GALNTL6: variants seen among roughly 807,000 people sequenced by gnomAD.
GALNTL6 encodes polypeptide N-acetylgalactosaminyltransferase-like 6.
Under a neutral mutation model 73.7 loss-of-function variants are expected in GALNTL6, and 46 were observed. The observed-to-expected ratio is 0.62, with a 90% CI of 0.49 to 0.80. The LOEUF (loss-of-function observed/expected upper bound fraction) is 0.80. Among genes scored for constraint, GALNTL6 ranks in the 30% least tolerant of loss-of-function variants. The pLI is 0.00. For synonymous variants in GALNTL6, 259 were observed against 263.7 expected, an observed-to-expected ratio of 0.98 and a Z score of 0.17; for missense variants, 604 against 755.0, an observed-to-expected ratio of 0.80 and a Z score of 2.34.
intron 5 of GALNTL6, among the ~76,000 whole-genome samples, chr4:172,645,941 G>C (rs1740223566): frequency 6.6e-6 from 1 of 151,878 alleles, no homozygotes; most frequent in Non-Finnish European, 1.5e-5. Flanking sequence ...TCAGGATATA[G>C]GGAGAACACC....
At chr4:172,206,984 G>GT (rs992095986) in intron 2 of GALNTL6, among the ~76,000 whole-genome samples, 76 of 151,162 alleles carry the variant, frequency 5.0e-4, no homozygotes, top group Middle Eastern at 3.4e-3. Flanking sequence ...CGCCCGGCTA[G>GT]TTTTTTGTAT....
intron 2 of GALNTL6, among the ~76,000 whole-genome samples, chr4:171,978,351 T>A (rs924990558): frequency 2.0e-4 from 30 of 152,150 alleles, no homozygotes; most frequent in African/African-American, 6.8e-4. Flanking sequence ...TGGGTGAGAC[T>A]TTTGTGGCTC....
At chr4:172,946,991 C>CTT (rs1561049448) in intron 9 of GALNTL6, among the ~76,000 whole-genome samples, 1 of 151,906 alleles carries the variant, frequency 6.6e-6, no homozygotes, top group East Asian at 1.9e-4. Context: ...ACAAAAGAGA[C>CTT]GTAAGAGAGA....
chr4:172,797,491 C>T (rs1368296487), intron 5 of GALNTL6, among the ~76,000 whole-genome samples: 1 of 151,982 alleles, frequency 6.6e-6, no homozygotes, highest in East Asian at 1.9e-4. Flanking sequence ...GCCATCCGCC[C>T]GCCTCAGCCT....
At chr4:172,194,767 G>T (rs572690251) in intron 2 of GALNTL6, among the ~76,000 whole-genome samples, 1 of 152,244 alleles carries the variant, frequency 6.6e-6, no homozygotes, top group South Asian at 2.1e-4. Context: ...GTCACTGCCA[G>T]GCCTGCCTTT....
chr4:172,512,442 T>C (rs998636417), intron 5 of GALNTL6, among the ~76,000 whole-genome samples: 1 of 152,160 alleles, frequency 6.6e-6, no homozygotes, highest in African/African-American at 2.4e-5. Flanking sequence ...TACATTCAGC[T>C]GTAGTATTGA....
chr4:172,270,919 AG>A (rs1156986988), intron 3 of GALNTL6, among the ~76,000 whole-genome samples: 4 of 152,214 alleles, frequency 2.6e-5, no homozygotes, highest in Admixed American at 2.6e-4. Context: ...GTATATTCAA[AG>A]AATTGTTTGC....
At chr4:172,533,316 A>ATT (rs34973148) in intron 5 of GALNTL6, among the ~76,000 whole-genome samples, 27,297 of 77,282 alleles carry the variant, frequency 0.35, 10,155 homozygotes, top group East Asian at 0.48. Context: ...CCCGGCCAGA[A>ATT]TTTTTTTTTT....
intron 5 of GALNTL6, among the ~76,000 whole-genome samples, chr4:172,443,380 G>C (rs1354000929): frequency 6.6e-6 from 1 of 151,336 alleles, no homozygotes; most frequent in African/African-American, 2.4e-5. Context: ...TGGCCAGGCT[G>C]GTCTTGATCT....
intron 2 of GALNTL6, among the ~76,000 whole-genome samples, chr4:171,827,647 A>C (rs994277869): frequency 2.0e-5 from 3 of 152,174 alleles, no homozygotes; most frequent in African/African-American, 7.2e-5. Flanking sequence ...TCTGAAATTA[A>C]ATTCCTTTCA....
intron 2 of GALNTL6, among the ~76,000 whole-genome samples, chr4:171,988,364 T>C (rs1370598576): frequency 6.6e-6 from 1 of 152,206 alleles, no homozygotes; most frequent in Non-Finnish European, 1.5e-5. Flanking sequence ...AAATTTGGGC[T>C]TGACTGAAGT....
intron 2 of GALNTL6, among the ~76,000 whole-genome samples, chr4:171,923,474 T>G (rs1737860213): frequency 6.7e-6 from 1 of 148,360 alleles, no homozygotes; most frequent in South Asian, 2.1e-4. Context: ...CTCGGCTCAC[T>G]GCAAGCTCAG....
At chr4:172,540,269 T>C (rs1183729979) in intron 5 of GALNTL6, among the ~76,000 whole-genome samples, 2 of 151,936 alleles carry the variant, frequency 1.3e-5, no homozygotes, top group African/African-American at 4.8e-5. Flanking sequence ...CTCGATCTCC[T>C]GACCTCATTA....
At chr4:172,183,905 G>A (rs917376205) in intron 2 of GALNTL6, among the ~76,000 whole-genome samples, 5 of 149,462 alleles carry the variant, frequency 3.3e-5, no homozygotes, top group Non-Finnish European at 7.4e-5. Context: ...TGATTCTCCT[G>A]CCTCAGCCTC....
intron 10 of GALNTL6, among the ~76,000 whole-genome samples, chr4:172,988,410 C>G (rs1751391227): frequency 6.6e-6 from 1 of 152,194 alleles, no homozygotes; most frequent in Admixed American, 6.5e-5. Flanking sequence ...CTGCTTCTAA[C>G]AGCATATGGT....
chr4:172,723,518 A>G (rs1055249745), intron 5 of GALNTL6, among the ~76,000 whole-genome samples: 1 of 152,184 alleles, frequency 6.6e-6, no homozygotes, highest in South Asian at 2.1e-4. Context: ...CATAGTTACT[A>G]TTGTTTTAGT....
chr4:172,161,572 A>G (rs943705068), intron 2 of GALNTL6, among the ~76,000 whole-genome samples: 5 of 151,992 alleles, frequency 3.3e-5, no homozygotes, highest in Non-Finnish European at 5.9e-5. Context: ...TAGATCCAAG[A>G]TCTTAGAAGA....
At chr4:172,331,868 T>C (rs560783546) in intron 4 of GALNTL6, among the ~76,000 whole-genome samples, 3 of 152,352 alleles carry the variant, frequency 2.0e-5, no homozygotes, top group East Asian at 3.9e-4. Flanking sequence ...CCAAGATTAG[T>C]TACTTTTGAT....
intron 2 of GALNTL6, among the ~76,000 whole-genome samples, chr4:172,065,654 A>T (rs6553606): frequency 1.3e-5 from 2 of 152,108 alleles, no homozygotes; most frequent in Non-Finnish European, 2.9e-5. Context: ...TTCTTTCTCC[A>T]CATAATACCT....
Sources: gnomAD v4.1 joint callset for allele counts (sites outside exome capture counted in the v4.1 genomes callset) on GRCh38, gnomAD v4.1.1 for gene constraint, MANE v1.5 for transcripts, NCBI Gene and HGNC (gene_info 2026-07-23, HGNC 2026-07-21) for gene names.